EWSR1: variants seen among roughly 807,000 people sequenced by gnomAD.
EWSR1 encodes EWS RNA binding protein 1, also known as RNA-binding protein EWS.
A neutral mutation model predicts 92.1 loss-of-function variants in EWSR1; 14 were observed. That is an observed-to-expected ratio of 0.15 (90% CI 0.10 to 0.24). The LOEUF is 0.24. Among genes scored for constraint, EWSR1 ranks in the 10% least tolerant of loss-of-function variants. EWSR1 has a pLI of 1.00. For missense variants in EWSR1, 637 were observed against 870.9 expected (o/e 0.73, Z 3.38); for synonymous variants, 303 against 292.9 (o/e 1.03, Z -0.35).
At chr22:29,283,024 A>G (rs574739728) in intron 6 of EWSR1, among the ~76,000 whole-genome samples, 26 of 152,322 alleles carry the variant, frequency 1.7e-4, no homozygotes, top group Non-Finnish European at 3.2e-4. Flanking sequence ...GGCCTCCCAC[A>G]GTGCTGGGAT....
rs772035256 is a variant in EWSR1 at position 29,268,394 on chromosome 22, C to T, written c.13+45C>T. ...GGTCGCGCCGGCGGTAGCCGGAACG[C>T]CCAAACTGGGGGTCGTTCGTCTCTG... On this transcript the variant is annotated intron_variant, in intron 1 of 16. Transcript: ENST00000397938. The T allele has an allele frequency of 3.7e-6, 6 of 1,613,842 alleles. No individual in the cohort carries two copies. The East Asian group carries it at 1.1e-4, about 30-fold the overall frequency.
In EWSR1 at chr22:29,299,065, A is replaced by G. The variant is rs1460777739; in HGVS notation, c.1581-169A>G. The G allele has an allele frequency of 7.1e-6, 10 of 1,399,118 alleles. No homozygotes were observed. In the Admixed American group the frequency reaches 2.1e-4, roughly 30 times the overall value. The allele number at this position is 1,399,118 out of a possible 1,614,324, so 86.7% of individuals were successfully genotyped here. Reference sequence around the variant, plus strand: ...CTGGACGCTTCAGAGCCTTCTGAAGATTGATTTGACCTGTCCTGTGGGTGC... The same window carrying G: ...CTGGACGCTTCAGAGCCTTCTGAAGGTTGATTTGACCTGTCCTGTGGGTGC... On this transcript the variant is annotated intron_variant, in intron 14 of 16. Transcript: ENST00000397938.
intron 6 of EWSR1, among the ~76,000 whole-genome samples, chr22:29,282,794 T>G (rs2059711545): frequency 6.7e-6 from 1 of 149,250 alleles, no homozygotes. Context: ...ACGGAGTCTC[T>G]CTCTGTCGCC....
intron 12 of EWSR1, among the ~76,000 whole-genome samples, chr22:29,297,123 C>G (rs1187010906): frequency 6.6e-6 from 1 of 152,208 alleles, no homozygotes; most frequent in African/African-American, 2.4e-5. Flanking sequence ...AGCTTATTTT[C>G]CTCCTTATGG....
At position 29,299,621 on chromosome 22, in the gene EWSR1, C is replaced by T. The variant is rs1256038142; in HGVS notation, c.1701C>T (p.Gly567=). The T allele has an allele frequency of 6.2e-7, 1 of 1,605,206 alleles. No individual in the cohort carries two copies. Among genetic ancestry groups the T allele is most frequent in the African/African-American group, 1.3e-5 (1 of 74,850 alleles). ...TAGGTGGTGATCGTGGCAGAGGTGGCCCTGGTGGCATGCGGGGAGGAAGAG... is the reference window on the plus strand; with the variant it reads ...TAGGTGGTGATCGTGGCAGAGGTGGTCCTGGTGGCATGCGGGGAGGAAGAG... The part of the protein sequence containing the change: ...PPPGGDRGRG[G]PGGMRGGRGG... The change falls in exon 16 of 17, where the codon GGC becomes GGT. Residue 567 remains glycine, a synonymous_variant. Coordinates refer to ENST00000397938, the MANE Select transcript of EWSR1 (RefSeq NM_005243.4).
chr22:29,274,643 A>G (rs1002873696), intron 4 of EWSR1, among the ~76,000 whole-genome samples: 1 of 152,118 alleles, frequency 6.6e-6, no homozygotes, highest in African/African-American at 2.4e-5. Flanking sequence ...TGCATGTATC[A>G]TGTTTGTCTA....
chr22:29,282,665 C>A (rs1315490017), intron 6 of EWSR1, 108 bp downstream of exon 6: 1 of 905,102 alleles, frequency 1.1e-6, no homozygotes, highest in Non-Finnish European at 1.6e-6. Context: ...ATCTGACTGT[C>A]GCAGTGATAA....
In EWSR1 at chr22:29,286,904, T is replaced by C. The variant is rs1555909234; in HGVS notation, c.582-19T>C. 6.3e-6 allele frequency: 10 copies of C among 1,583,436 alleles called. No homozygotes were observed. The highest frequency in any genetic ancestry group is 1.7e-4 in the Middle Eastern group (1 of 5,926). ...CTTTCTAAAAAAGCTTTTTTTTTTT[T>C]CTCTTCTCTCTCTTTCAGCTATTCC... On this transcript the variant is annotated intron_variant, in intron 6 of 16. Transcript: ENST00000397938.
At chr22:29,272,182 CTT>C (rs1569043674) in intron 1 of EWSR1, 32 bp from the exon 2 acceptor site, 1 of 1,605,248 alleles carries the variant, frequency 6.2e-7, no homozygotes, top group Non-Finnish European at 8.5e-7. Flanking sequence ...TTTCTGCTAA[CTT>C]TACACTATTT....
chr22:29,291,457 A>AG, intron 8 of EWSR1, 105 bp from the exon 9 acceptor site: 1 of 1,026,640 alleles, frequency 9.7e-7, no homozygotes, highest in Non-Finnish European at 1.4e-6. Context: ...CATTGTTTGG[A>AG]GATGTGTTTA....
intron 7 of EWSR1, among the ~76,000 whole-genome samples, chr22:29,288,143 G>A (rs1301426024): frequency 6.6e-6 from 1 of 152,182 alleles, no homozygotes; most frequent in Non-Finnish European, 1.5e-5. Context: ...CAGAATTTAG[G>A]ATCATTGCTC....
chr22:29,268,582 G>C (rs1030380871), intron 1 of EWSR1, among the ~76,000 whole-genome samples: 1 of 152,108 alleles, frequency 6.6e-6, no homozygotes, highest in African/African-American at 2.4e-5. Context: ...GCTGCGGCGG[G>C]GGCGCGCGGG....
At position 29,291,008 on chromosome 22, in the gene EWSR1, A is replaced by G. The variant is rs187559200; in HGVS notation, c.975-554A>G. On this transcript the variant is annotated intron_variant, in intron 8 of 16. Transcript: ENST00000397938. ...TCCTTTCACAGCGATTGTTAAATCT[A>G]TTCGTGCCCTGAGATGTATGGCTTT... The G allele has an allele frequency of 8.8e-4, 209 of 236,634 alleles. 1 individual carries two copies. The highest frequency in any genetic ancestry group is 7.7e-4 in the Non-Finnish European group (93 of 120,462). The allele number at this position is 236,634 out of a possible 1,614,324, so 14.7% of individuals were successfully genotyped here.
intron 7 of EWSR1, among the ~76,000 whole-genome samples, chr22:29,288,189 A>G (rs1291542281): frequency 2.0e-5 from 3 of 152,182 alleles, no homozygotes; most frequent in Non-Finnish European, 2.9e-5. Flanking sequence ...GGATTTCTCA[A>G]CAACTCAAAG....
intron 10 of EWSR1, 48 bp from the exon 11 acceptor site, chr22:29,292,440 C>A (rs769781910): frequency 1.3e-5 from 16 of 1,266,690 alleles, no homozygotes; most frequent in South Asian, 7.2e-5. Context: ...GTTAAGAAAC[C>A]CCTATAGATA....
rs184800244 is a variant in EWSR1 at position 29,291,014 on chromosome 22, G to T, written c.975-548G>T. 439 of 236,840 alleles carry T rather than the reference G, an allele frequency of 1.9e-3. 2 individuals carry two copies. The highest frequency in any genetic ancestry group is 3.1e-3 in the Non-Finnish European group (370 of 120,608). 14.7% of individuals were successfully genotyped at this position (236,840 alleles called of 1,614,324 possible). A position where few individuals can be genotyped will look rare whatever the true frequency, so the allele number is the denominator to read the frequency against. The stretch of plus-strand genomic sequence containing the variant: ...CACAGCGATTGTTAAATCTATTCGT[G>T]CCCTGAGATGTATGGCTTTATGCTG... On this transcript the variant is annotated intron_variant, in intron 8 of 16. Coordinates refer to ENST00000397938, the MANE Select transcript of EWSR1 (RefSeq NM_005243.4).
chr22:29,280,729 G>T (rs1164428741), intron 5 of EWSR1, among the ~76,000 whole-genome samples: 2 of 150,430 alleles, frequency 1.3e-5, no homozygotes. Context: ...GCTAGAGTGC[G>T]ATGGCACAAT....
intron 1 of EWSR1, among the ~76,000 whole-genome samples, chr22:29,268,922 C>T (rs558452770): frequency 2.0e-5 from 3 of 152,226 alleles, no homozygotes; most frequent in Non-Finnish European, 4.4e-5. Context: ...CCGAGCTGCC[C>T]CCTCTGTGGC....
chr22:29,279,232 T>G (rs1474479983), intron 5 of EWSR1, among the ~76,000 whole-genome samples: 1 of 152,192 alleles, frequency 6.6e-6, no homozygotes, highest in Non-Finnish European at 1.5e-5. Flanking sequence ...ATTGACCCTG[T>G]AAATGGGTAA....
Sources: allele counts gnomAD v4.1 joint callset (sites outside exome capture counted in the v4.1 genomes callset), GRCh38; gene constraint gnomAD v4.1.1; transcripts MANE v1.5; gene names NCBI Gene and HGNC (gene_info 2026-07-23, HGNC 2026-07-21).